FREM3: variants seen among roughly 807,000 people sequenced by gnomAD.
FREM3 encodes FRAS1-related extracellular matrix protein 3.
Under a neutral mutation model 129.1 loss-of-function variants are expected in FREM3, and 105 were observed. That is an observed-to-expected ratio of 0.81 (90% CI 0.69 to 0.96). The LOEUF is 0.96. FREM3 is among the 40% of genes least tolerant of loss of function. FREM3 has a pLI of 0.00. For missense variants in FREM3, 2,593 were observed against 2,666.3 expected, an observed-to-expected ratio of 0.97 and a Z score of 0.61; for synonymous variants, 1,014 against 1,044.9, an observed-to-expected ratio of 0.97 and a Z score of 0.57.
intron 2 of FREM3, among the ~76,000 whole-genome samples, chr4:143,660,024 T>C (rs1328678107): frequency 1.1e-4 from 16 of 149,028 alleles, no homozygotes; most frequent in African/African-American, 3.7e-4. Context: ...TTCTCCCATT[T>C]TGTAGGTTGC....
At chr4:143,687,190 C>T (rs112667821) in intron 2 of FREM3, among the ~76,000 whole-genome samples, 2,156 of 152,080 alleles carry the variant, frequency 0.014, 57 homozygotes, top group African/African-American at 0.049. Context: ...CACTGAAATA[C>T]AAAAGAGCAT....
In FREM3 at chr4:143,627,682, T is replaced by A; in HGVS notation, c.5354A>T (p.Asp1785Val). ...CACTTCTAAGAATGTGGAATCTTCATCCACAATGTAGTACTCTTTCTCCAA... is the reference window on the plus strand; with the variant it reads ...CACTTCTAAGAATGTGGAATCTTCAACCACAATGTAGTACTCTTTCTCCAA... ...ICLEKEYYIV[D>V]EDSTFLEVTL... Residue 1785 changes from aspartate (D) to valine (V), a missense_variant, in exon 3 of 8, where the codon GAT becomes GTT. Asp to Val is a radical substitution (Grantham distance 152). Transcript: ENST00000329798. The A allele has an allele frequency of 6.5e-7, 1 of 1,534,318 alleles. No individual in the cohort carries two copies. Among genetic ancestry groups the A allele is most frequent in the Non-Finnish European group, 8.7e-7 (1 of 1,144,282 alleles).
intron 2 of FREM3, among the ~76,000 whole-genome samples, chr4:143,673,402 CA>C (rs777028874): frequency 6.6e-6 from 1 of 152,200 alleles, no homozygotes. Flanking sequence ...GGCTGCAGAG[CA>C]GCGAATATTG....
intron 2 of FREM3, among the ~76,000 whole-genome samples, chr4:143,682,274 G>C (rs531229873): frequency 1.3e-5 from 2 of 152,334 alleles, no homozygotes; most frequent in East Asian, 3.9e-4. Flanking sequence ...AAAAGGACCA[G>C]AGGCTACTCC....
chr4:143,611,031 C>T (rs2149839205), intron 6 of FREM3, among the ~76,000 whole-genome samples: 1 of 149,982 alleles, frequency 6.7e-6, no homozygotes, highest in South Asian at 2.1e-4. Context: ...TAAGTCACCT[C>T]CTTGGGCTGT....
chr4:143,654,858 T>C (rs1004145759), intron 2 of FREM3, among the ~76,000 whole-genome samples: 1 of 152,234 alleles, frequency 6.6e-6, no homozygotes, highest in Admixed American at 6.5e-5. Context: ...CATTCTATTA[T>C]GTCATACTAC....
At chr4:143,667,971 AT>A (rs1739894633) in intron 2 of FREM3, among the ~76,000 whole-genome samples, 3 of 152,232 alleles carry the variant, frequency 2.0e-5, no homozygotes, top group African/African-American at 7.2e-5. Flanking sequence ...CAGTGCATTT[AT>A]TAGATATGAC....
At position 143,621,174 on chromosome 4, in the gene FREM3, G is replaced by A; in HGVS notation, c.5654-12C>T. 4 of 1,536,546 alleles carry A rather than the reference G, an allele frequency of 2.6e-6. No individual in the cohort carries two copies. The highest frequency in any genetic ancestry group is 3.5e-6 in the Non-Finnish European group (4 of 1,146,494). On this transcript the variant is annotated splice_polypyrimidine_tract_variant and intron_variant, in intron 4 of 7. Transcript: ENST00000329798. Reference sequence around the variant, plus strand: ...ATAAACTGTTGATTCTAGAAAAGATGGCAGAAGACTTTTCACCAAGATTTA... The same window carrying A: ...ATAAACTGTTGATTCTAGAAAAGATAGCAGAAGACTTTTCACCAAGATTTA...
At chr4:143,606,792 G>C (rs1432926991) in intron 6 of FREM3, among the ~76,000 whole-genome samples, 1 of 118,312 alleles carries the variant, frequency 8.5e-6, no homozygotes, top group East Asian at 2.0e-4. Context: ...AATCTAGAAG[G>C]ATTTTTTTTT....
intron 1 of FREM3, among the ~76,000 whole-genome samples, chr4:143,693,605 C>A (rs1476836248): frequency 6.6e-6 from 1 of 152,162 alleles, no homozygotes; most frequent in Non-Finnish European, 1.5e-5. Flanking sequence ...TGGGTATACA[C>A]CCTCAAAATA....
chr4:143,604,855 G>A (rs765719070), intron 6 of FREM3, among the ~76,000 whole-genome samples: 15 of 152,152 alleles, frequency 9.9e-5, no homozygotes, highest in African/African-American at 2.4e-5. Flanking sequence ...TATAAATAAT[G>A]ACTTGCTCAG....
chr4:143,685,385 A>G (rs1740341813), intron 2 of FREM3, among the ~76,000 whole-genome samples: 1 of 152,196 alleles, frequency 6.6e-6, no homozygotes, highest in South Asian at 2.1e-4. Context: ...AGAATTTTGT[A>G]TCCAGCAAAA....
intron 6 of FREM3, among the ~76,000 whole-genome samples, chr4:143,591,950 A>T (rs1021467075): frequency 6.6e-6 from 1 of 152,208 alleles, no homozygotes; most frequent in African/African-American, 2.4e-5. Context: ...TATATTTAGG[A>T]TAGTTAGTTG....
chr4:143,587,193 G>A (rs1410286811), intron 6 of FREM3, among the ~76,000 whole-genome samples: 2 of 152,158 alleles, frequency 1.3e-5, no homozygotes, highest in Non-Finnish European at 2.9e-5. Flanking sequence ...TGTTGATGAT[G>A]TTCTCTGAGC....
chr4:143,653,829 C>A (rs1183270820), intron 2 of FREM3, among the ~76,000 whole-genome samples: 1 of 152,202 alleles, frequency 6.6e-6, no homozygotes, highest in Non-Finnish European at 1.5e-5. Context: ...TTTCAAAAAA[C>A]TTCCCAGGTA....
At chr4:143,630,403 C>G (rs978982317) in intron 2 of FREM3, among the ~76,000 whole-genome samples, 2 of 152,170 alleles carry the variant, frequency 1.3e-5, no homozygotes, top group Non-Finnish European at 2.9e-5. Flanking sequence ...TTGAACTCCT[C>G]TTTTATTTTA....
At chr4:143,648,719 C>T (rs571485682) in intron 2 of FREM3, among the ~76,000 whole-genome samples, 1 of 152,330 alleles carries the variant, frequency 6.6e-6, no homozygotes, top group Non-Finnish European at 1.5e-5. Context: ...ATCAATTAAA[C>T]CTCTATCTTT....
intron 2 of FREM3, among the ~76,000 whole-genome samples, chr4:143,687,435 A>C (rs929399005): frequency 2.6e-5 from 4 of 152,168 alleles, no homozygotes; most frequent in Admixed American, 6.5e-5. Flanking sequence ...CCAGACATTC[A>C]AAGAAGAATT....
intron 2 of FREM3, among the ~76,000 whole-genome samples, chr4:143,678,790 A>G (rs187134214): frequency 1.3e-5 from 2 of 152,274 alleles, no homozygotes; most frequent in Non-Finnish European, 2.9e-5. Context: ...TAGTCATAAA[A>G]TGAAATACAT....
Sources: gnomAD v4.1 joint callset for allele counts (sites outside exome capture counted in the v4.1 genomes callset) on GRCh38, gnomAD v4.1.1 for gene constraint, MANE v1.5 for transcripts, NCBI Gene and HGNC (gene_info 2026-07-23, HGNC 2026-07-21) for gene names.